Variants in FTO observed in about 807,000 individuals in gnomAD.
The protein encoded by FTO is alpha-ketoglutarate-dependent dioxygenase FTO.
A neutral mutation model predicts 63.9 loss-of-function variants in FTO; 47 were observed. The observed-to-expected ratio is 0.74, with a 90% CI of 0.58 to 0.94. The LOEUF is 0.94. Among genes scored for constraint, FTO ranks in the 40% least tolerant of loss-of-function variants. The pLI is 0.00. For synonymous variants in FTO, 207 were observed against 224.4 expected, an observed-to-expected ratio of 0.92 and a Z score of 0.69; for missense variants, 562 against 618.1, an observed-to-expected ratio of 0.91 and a Z score of 0.96.
At chr16:53,856,828 C>G (rs2080014663) in intron 4 of FTO, among the ~76,000 whole-genome samples, 1 of 151,852 alleles carries the variant, frequency 6.6e-6, no homozygotes, top group Non-Finnish European at 1.5e-5. Context: ...AGATATAAAT[C>G]ATAGTCCTTG....
At chr16:53,811,870 T>C (rs1391146900) in intron 2 of FTO, among the ~76,000 whole-genome samples, 1 of 152,132 alleles carries the variant, frequency 6.6e-6, no homozygotes, top group Non-Finnish European at 1.5e-5. Context: ...TGGAATGCAG[T>C]GGTGTAATCT....
chr16:53,872,380 C>T (rs964791154), intron 4 of FTO, among the ~76,000 whole-genome samples: 17 of 152,198 alleles, frequency 1.1e-4, no homozygotes, highest in Non-Finnish European at 1.8e-4. Context: ...TTCTGCCTTT[C>T]GAGGCCCTGT....
chr16:53,793,746 A>G (rs2077988087), intron 1 of FTO, among the ~76,000 whole-genome samples: 1 of 152,224 alleles, frequency 6.6e-6, no homozygotes, highest in Non-Finnish European at 1.5e-5. Context: ...AAACAAACAA[A>G]CAAACAAACA....
intron 8 of FTO, among the ~76,000 whole-genome samples, chr16:54,091,374 T>C (rs377511279): frequency 2.6e-5 from 4 of 152,132 alleles, no homozygotes; most frequent in African/African-American, 7.2e-5. Flanking sequence ...TGGGACTCTG[T>C]CTCTACAAAA....
intron 1 of FTO, among the ~76,000 whole-genome samples, chr16:53,757,674 T>C (rs2151590273): frequency 6.6e-6 from 1 of 152,336 alleles, no homozygotes. Flanking sequence ...TGTCCATCTT[T>C]ACACCTCTAA....
chr16:53,878,721 T>G lies in FTO; in HGVS notation c.976-1123T>G, dbSNP rs145022833. 8.2e-3 allele frequency among the ~76,000 whole-genome samples: 1,245 copies of G among 152,368 alleles called. 13 individuals carry two copies. Among genetic ancestry groups the G allele is most frequent in the Middle Eastern group, 0.031 (9 of 294 alleles). ...TTAATATCAAAACAGGCAGATGCAC[T>G]GCCCATGTGCATTGGCCTCTTTTCC... On this transcript the variant is annotated intron_variant, in intron 5 of 8. Transcript: ENST00000471389.
chr16:54,076,561 T>C (rs1339067159), intron 8 of FTO, among the ~76,000 whole-genome samples: 3 of 152,160 alleles, frequency 2.0e-5, no homozygotes, highest in South Asian at 4.1e-4. Flanking sequence ...TATATACACA[T>C]ATGTGTTTGT....
intron 8 of FTO, among the ~76,000 whole-genome samples, chr16:54,053,676 AGTT>A (rs1276173867): frequency 6.6e-6 from 1 of 152,206 alleles, no homozygotes; most frequent in Non-Finnish European, 1.5e-5. Flanking sequence ...GCTCCAAGGA[AGTT>A]ACACGTGTAA....
rs1216863609 is a variant in FTO, at chr16:54,119,427, C to T, written c.*7512C>T. 1 of 152,268 alleles carries T rather than the reference C, an allele frequency of 6.6e-6. No homozygotes were observed. Among genetic ancestry groups the T allele is most frequent in the Non-Finnish European group, 1.5e-5 (1 of 68,114 alleles). 9.4% of individuals were successfully genotyped at this position (152,268 alleles called of 1,614,324 possible). A position where few individuals can be genotyped will look rare whatever the true frequency, so the allele number is the denominator to read the frequency against. On this transcript the variant is annotated 3_prime_UTR_variant, in exon 9 of 9. Transcript: ENST00000471389. ...ACCCAGAAAACTGGACCGCTGGTCA[C>T]CTTCCTTCCCCCTGCCCCCAACTCT...
At chr16:54,073,816 A>C (rs1249928397) in intron 8 of FTO, among the ~76,000 whole-genome samples, 1 of 152,172 alleles carries the variant, frequency 6.6e-6, no homozygotes, top group Non-Finnish European at 1.5e-5. Context: ...CTATAGATTT[A>C]AAGAATAAAA....
chr16:53,877,224 G>A (rs1474473516), intron 5 of FTO, among the ~76,000 whole-genome samples: 7 of 152,178 alleles, frequency 4.6e-5, no homozygotes, highest in African/African-American at 1.4e-4. Flanking sequence ...CCATGCCTAG[G>A]TAGTTTCCCA....
chr16:53,927,191 T>G (rs911612994), intron 7 of FTO, among the ~76,000 whole-genome samples: 5 of 152,124 alleles, frequency 3.3e-5, no homozygotes, highest in Admixed American at 6.5e-5. Flanking sequence ...GGGCCTGAAC[T>G]AAGCCTATGG....
intron 1 of FTO, among the ~76,000 whole-genome samples, chr16:53,777,730 A>G (rs755266748): frequency 1.3e-5 from 2 of 152,156 alleles, no homozygotes. Context: ...AGCAAATACA[A>G]ATTTTCTAAA....
At position 53,892,581 on chromosome 16, in the gene FTO, C is replaced by T. The variant is rs532475142; in HGVS notation, c.1239+3630C>T. On this transcript the variant is annotated intron_variant, in intron 7 of 8. Transcript: ENST00000471389. ...TTTTAGACAAATGATTCTTTTTTAT[C>T]TTTATACTTTTTTTTGAATTGTAAA... is the stretch of plus-strand genomic sequence containing the variant. 5.9e-5 allele frequency among the ~76,000 whole-genome samples: 9 copies of T among 152,112 alleles called. No homozygotes were observed. In the South Asian group the frequency reaches 1.2e-3, roughly 21 times the overall value.
In FTO at chr16:53,873,826, T is replaced by C. The variant is rs150769346; in HGVS notation, c.936T>C (p.Gly312=). The stretch of plus-strand genomic sequence containing the variant: ...CCCACCAACACTGTGTTTTGGCCGG[T>C]TCACAACCTCGGTTTAGTTCCACCC... ...NATHQHCVLA[G]SQPRFSSTHR... Residue 312 remains glycine (G), a synonymous_variant, in exon 5 of 9, where the codon GGT becomes GGC. Coordinates refer to ENST00000471389, the MANE Select transcript of FTO (RefSeq NM_001080432.3). 1 of 1,613,276 alleles carries C rather than the reference T, an allele frequency of 6.2e-7. No homozygotes were observed. The highest frequency in any genetic ancestry group is 8.5e-7 in the Non-Finnish European group (1 of 1,179,362).
At chr16:53,928,090 GGGAAA>G (rs1276714509) in intron 7 of FTO, among the ~76,000 whole-genome samples, 1 of 152,130 alleles carries the variant, frequency 6.6e-6, no homozygotes, top group Non-Finnish European at 1.5e-5. Flanking sequence ...TTGGAGTTAT[GGGAAA>G]GACCCACAGC....
At chr16:54,107,873 AG>A (rs2086792072) in intron 8 of FTO, among the ~76,000 whole-genome samples, 1 of 152,162 alleles carries the variant, frequency 6.6e-6, no homozygotes, top group South Asian at 2.1e-4. Context: ...GAGAGGAGAA[AG>A]TCTTTTCCTT....
At chr16:54,066,095 G>A (rs531779623) in intron 8 of FTO, among the ~76,000 whole-genome samples, 2 of 152,164 alleles carry the variant, frequency 1.3e-5, no homozygotes, top group African/African-American at 4.8e-5. Flanking sequence ...TATTGGTCCC[G>A]CCTTGCCTTG....
At chr16:53,786,550 A>G (rs1194827525) in intron 1 of FTO, among the ~76,000 whole-genome samples, 1 of 152,218 alleles carries the variant, frequency 6.6e-6, no homozygotes, top group Non-Finnish European at 1.5e-5. Context: ...ATAAACACTA[A>G]CATCAGTTAT....
Sources: allele counts gnomAD v4.1 joint callset (sites outside exome capture counted in the v4.1 genomes callset), GRCh38; gene constraint gnomAD v4.1.1; transcripts MANE v1.5; gene names NCBI Gene and HGNC (gene_info 2026-07-23, HGNC 2026-07-21).